Variants in LHX4 observed in about 807,000 individuals in gnomAD.
The protein encoded by LHX4 is LIM homeobox 4.
LHX4 carries 16 observed loss-of-function variants against 39.2 expected under a neutral mutation model. That is an observed-to-expected ratio of 0.41 (90% CI 0.28 to 0.62). The LOEUF (loss-of-function observed/expected upper bound fraction) is 0.62. Ranked by LOEUF, LHX4 falls within the 20% of genes least tolerant of loss-of-function variation. LHX4 has a pLI of 0.33. For missense variants in LHX4, 439 were observed against 511.9 expected (o/e 0.86, Z 1.37); for synonymous variants, 206 against 198.1 (o/e 1.04, Z -0.33).
At chr1:180,237,830 G>A (rs946956744) in intron 1 of LHX4, among the ~76,000 whole-genome samples, 5 of 152,160 alleles carry the variant, frequency 3.3e-5, no homozygotes, top group African/African-American at 1.2e-4. Flanking sequence ...CTTGCTATGA[G>A]GGAAAGATTG....
chr1:180,229,972 G>GGGGGC (rs1664132620), upstream of LHX4, among the ~76,000 whole-genome samples: 1 of 143,516 alleles, frequency 7.0e-6, no homozygotes, highest in Admixed American at 6.7e-5. Context: ...GGAGGGGGGG[G>GGGGGC]GGGTGCCGGC....
intron 2 of LHX4, among the ~76,000 whole-genome samples, chr1:180,257,214 T>C (rs2149259878): frequency 6.6e-6 from 1 of 152,362 alleles, no homozygotes; most frequent in Non-Finnish European, 1.5e-5. Flanking sequence ...ACTGCTTGTC[T>C]CTGGGCCCCC....
chr1:180,268,836 G>A (rs151293565), intron 3 of LHX4, among the ~76,000 whole-genome samples: 26 of 152,226 alleles, frequency 1.7e-4, no homozygotes, highest in Non-Finnish European at 3.5e-4. Context: ...TTGGAGCAGC[G>A]GGGAGTTCTG....
At chr1:180,253,197 G>A (rs1271302242) in intron 2 of LHX4, among the ~76,000 whole-genome samples, 1 of 152,138 alleles carries the variant, frequency 6.6e-6, no homozygotes, top group Admixed American at 6.5e-5. Flanking sequence ...TGCTAAGCAG[G>A]TCCTATCCAG....
intron 2 of LHX4, among the ~76,000 whole-genome samples, chr1:180,250,206 C>T (rs1307976795): frequency 6.6e-6 from 1 of 152,100 alleles, no homozygotes; most frequent in Admixed American, 6.5e-5. Flanking sequence ...TCCCTCTAGC[C>T]ACATCCTTTC....
At chr1:180,229,263 G>A (rs1664098942), upstream of LHX4, among the ~76,000 whole-genome samples, 2 of 152,248 alleles carry the variant, frequency 1.3e-5, no homozygotes, top group African/African-American at 4.8e-5. Flanking sequence ...GGCAGCCGGA[G>A]AGGCAGAGCG....
At position 180,271,818 on chromosome 1, in the gene LHX4, T is replaced by C. The variant is rs768889373; in HGVS notation, c.607-17T>C. 4.5e-5 allele frequency: 72 copies of C among 1,613,638 alleles called. No homozygotes were observed. Among genetic ancestry groups the C allele is most frequent in the Admixed American group, 1.8e-4 (11 of 59,964 alleles). ...GGTGGACGCCCCCTGAGTATGTCCC[T>C]TGTGCTTGTGTGGCAGGTTTGGTTT... is the stretch of plus-strand genomic sequence containing the variant. On this transcript the variant is annotated splice_polypyrimidine_tract_variant and intron_variant, in intron 4 of 5. Coordinates refer to ENST00000263726, the MANE Select transcript of LHX4 (RefSeq NM_033343.4).
At chr1:180,236,991 G>T (rs1455717544) in intron 1 of LHX4, among the ~76,000 whole-genome samples, 1 of 152,210 alleles carries the variant, frequency 6.6e-6, no homozygotes, top group African/African-American at 2.4e-5. Context: ...TTCCTGGAAT[G>T]AGTGTTAACA....
intron 1 of LHX4, among the ~76,000 whole-genome samples, chr1:180,242,600 G>C: frequency 6.6e-6 from 1 of 152,096 alleles, no homozygotes; most frequent in South Asian, 2.1e-4. Flanking sequence ...TCTATGCCTC[G>C]ACTATGTCCC....
chr1:180,258,617 T>C (rs1053310108), intron 2 of LHX4, among the ~76,000 whole-genome samples: 1 of 151,870 alleles, frequency 6.6e-6, no homozygotes, highest in Non-Finnish European at 1.5e-5. Context: ...GCGGTGTGGG[T>C]GTGAGAAGTG....
At chr1:180,251,341 C>T (rs572972659) in intron 2 of LHX4, among the ~76,000 whole-genome samples, 11 of 152,350 alleles carry the variant, frequency 7.2e-5, no homozygotes, top group African/African-American at 2.2e-4. Flanking sequence ...CCTCCAGGGA[C>T]GGTGCCCACC....
intron 1 of LHX4, among the ~76,000 whole-genome samples, chr1:180,237,116 C>T (rs1664338890): frequency 6.6e-6 from 1 of 152,088 alleles, no homozygotes; most frequent in South Asian, 2.1e-4. Context: ...CCCCTGTTCC[C>T]CCAATTTCTT....
At chr1:180,255,984 G>A (rs554487859) in intron 2 of LHX4, among the ~76,000 whole-genome samples, 10 of 152,318 alleles carry the variant, frequency 6.6e-5, no homozygotes, top group Non-Finnish European at 1.5e-4. Context: ...TTTGGCCCAG[G>A]CACAGCACAG....
rs1648974424 is a variant in LHX4 at position 180,275,524 on chromosome 1, G to T, written c.*945G>T. On this transcript the variant is annotated 3_prime_UTR_variant, in exon 6 of 6. Coordinates refer to ENST00000263726, the MANE Select transcript of LHX4 (RefSeq NM_033343.4). ...TATCGGCTGATGCCAGTCTTCCAGA[G>T]TTCCCCATCCCTTGTAGGGTGAAAT... The T allele has an allele frequency of 1.3e-5, 2 of 152,216 alleles. No individual in the cohort carries two copies. The highest frequency in any genetic ancestry group is 4.8e-5 in the African/African-American group (2 of 41,450). 9.4% of individuals were successfully genotyped at this position (152,216 alleles called of 1,614,324 possible). A position where few individuals can be genotyped will look rare whatever the true frequency, so the allele number is the denominator to read the frequency against.
chr1:180,230,708 G>C lies in LHX4; in HGVS notation c.76+103G>C, dbSNP rs1664156828. The C allele has an allele frequency of 9.1e-7, 1 of 1,094,010 alleles. No homozygotes were observed. The highest frequency in any genetic ancestry group is 1.3e-5 in the South Asian group (1 of 76,590). 67.8% of individuals were successfully genotyped at this position (1,094,010 alleles called of 1,614,324 possible). A position where few individuals can be genotyped will look rare whatever the true frequency, so the allele number is the denominator to read the frequency against. On this transcript the variant is annotated intron_variant, in intron 1 of 5. Coordinates refer to ENST00000263726, the MANE Select transcript of LHX4 (RefSeq NM_033343.4). The surrounding 1 kb of genome is among the most constrained non-coding windows in gnomAD (Gnocchi z 5.8). ...CGCCGCTCAGGGGCCGGGAGGGGCT[G>C]GCGGCCGGGGCGCAGAGGCGGTCAC...
At chr1:180,242,369 T>C (rs1664461722) in intron 1 of LHX4, among the ~76,000 whole-genome samples, 1 of 152,176 alleles carries the variant, frequency 6.6e-6, no homozygotes, top group African/African-American at 2.4e-5. Flanking sequence ...TTTGTATATG[T>C]AGGAATGTAT....
At chr1:180,245,880 A>G (rs1260547770) in intron 1 of LHX4, among the ~76,000 whole-genome samples, 1 of 152,128 alleles carries the variant, frequency 6.6e-6, no homozygotes, top group East Asian at 1.9e-4. Context: ...TGTCCTGCCC[A>G]TGCCCTCACT....
intron 2 of LHX4, among the ~76,000 whole-genome samples, chr1:180,258,492 T>C (rs892053722): frequency 2.0e-5 from 3 of 152,134 alleles, no homozygotes; most frequent in Non-Finnish European, 2.9e-5. Context: ...AGGGTGTGAC[T>C]TAGGCCCACT....
In LHX4 at chr1:180,232,101, G is replaced by C. The variant is rs1664197460; in HGVS notation, c.76+1496G>C. ...CACACCCCGCACACAGGCAGGGACA[G>C]AGTGGGTTCTCAGCCCCTGCAAAGA... On this transcript the variant is annotated intron_variant, in intron 1 of 5. Coordinates refer to ENST00000263726, the MANE Select transcript of LHX4 (RefSeq NM_033343.4). This position sits in a 1 kb window ranked among gnomAD's most constrained non-coding sequence, Gnocchi z 5.4. 6.6e-6 allele frequency among the ~76,000 whole-genome samples: 1 copy of C among 152,218 alleles called. No individual in the cohort carries two copies. The highest frequency in any genetic ancestry group is 6.5e-5 in the Admixed American group (1 of 15,286).
Sources: gnomAD v4.1 joint callset for allele counts (sites outside exome capture counted in the v4.1 genomes callset) on GRCh38, gnomAD v4.1.1 for gene constraint, Gnocchi (gnomAD v3.1) non-coding constraint, MANE v1.5 for transcripts, NCBI Gene and HGNC (gene_info 2026-07-23, HGNC 2026-07-21) for gene names.